Variants in CADM2 observed in about 807,000 individuals in gnomAD.
CADM2 encodes immunoglobulin superfamily member 4D.
Under a neutral mutation model 49.8 loss-of-function variants are expected in CADM2, and 12 were observed. The observed-to-expected ratio is 0.24, with a 90% CI of 0.15 to 0.39. The LOEUF is 0.39. Among genes scored for constraint, CADM2 ranks in the 10% least tolerant of loss-of-function variants. CADM2 has a pLI of 1.00. For synonymous variants in CADM2, 214 were observed against 175.4 expected (o/e 1.22, Z -1.74); for missense variants, 378 against 492.3 (o/e 0.77, Z 2.20).
At chr3:85,570,782 A>T (rs1163726260) in intron 1 of CADM2, among the ~76,000 whole-genome samples, 9 of 152,214 alleles carry the variant, frequency 5.9e-5, no homozygotes, top group Admixed American at 5.9e-4. Flanking sequence ...AATCAATAAA[A>T]CTTGTTTTGG....
chr3:85,536,685 GT>G (rs2061429542), intron 1 of CADM2, among the ~76,000 whole-genome samples: 1 of 152,030 alleles, frequency 6.6e-6, no homozygotes, highest in South Asian at 2.1e-4. Context: ...CTAGGAGTGT[GT>G]AAGCAGACAT....
intron 3 of CADM2, among the ~76,000 whole-genome samples, chr3:85,880,074 T>G (rs1712513204): frequency 6.6e-6 from 1 of 152,214 alleles, no homozygotes; most frequent in Non-Finnish European, 1.5e-5. Flanking sequence ...TTTTGTTATC[T>G]CAAAACATCA....
rs531809289 is a variant in CADM2, at chr3:85,351,304, T to A, written c.62-375218T>A. ...ATCGCTTACCATAGTGGTGGAAATA[T>A]TTCATATTTTAGAATTAAATTATAC... is the stretch of plus-strand genomic sequence containing the variant. On this transcript the variant is annotated intron_variant, in intron 1 of 9. Transcript: ENST00000383699. Among the ~76,000 whole-genome samples the A allele has an allele frequency of 3.2e-4, 48 of 152,240 alleles. 1 individual carries two copies. The South Asian group carries it at 9.5e-3, about 30-fold the overall frequency.
intron 1 of CADM2, among the ~76,000 whole-genome samples, chr3:85,642,009 C>T (rs1459044621): frequency 6.6e-6 from 1 of 152,060 alleles, no homozygotes; most frequent in Admixed American, 6.6e-5. Context: ...CTTTCCATCT[C>T]CTTGACCTTC....
intron 3 of CADM2, among the ~76,000 whole-genome samples, chr3:85,809,035 G>T (rs1177184221): frequency 6.6e-6 from 1 of 152,090 alleles, no homozygotes; most frequent in Non-Finnish European, 1.5e-5. Flanking sequence ...AGTAAAACAG[G>T]TGTTGCATTT....
At chr3:85,362,075 C>A (rs2032399817) in intron 1 of CADM2, among the ~76,000 whole-genome samples, 2 of 152,282 alleles carry the variant, frequency 1.3e-5, no homozygotes, top group Non-Finnish European at 2.9e-5. Flanking sequence ...TTTTCTAAAG[C>A]AATTAAGCCC....
chr3:85,301,239 A>T (rs757324002), intron 1 of CADM2, among the ~76,000 whole-genome samples: 1 of 151,998 alleles, frequency 6.6e-6, no homozygotes, highest in Non-Finnish European at 1.5e-5. Context: ...ATTCTTGCCA[A>T]TTGAGAGGAG....
chr3:85,462,990 C>T (rs553425056), intron 1 of CADM2, among the ~76,000 whole-genome samples: 1 of 152,208 alleles, frequency 6.6e-6, no homozygotes, highest in African/African-American at 2.4e-5. Flanking sequence ...CCTTCGTTTC[C>T]TCATCTGTGA....
At chr3:85,359,675 T>TTTTG (rs2032207064) in intron 1 of CADM2, among the ~76,000 whole-genome samples, 1 of 128,194 alleles carries the variant, frequency 7.8e-6, no homozygotes, top group Non-Finnish European at 1.7e-5. Flanking sequence ...TATTTTTTTT[T>TTTTG]TTGGTGGAGG....
At chr3:85,285,293 T>C (rs1480008569) in intron 1 of CADM2, among the ~76,000 whole-genome samples, 2 of 152,110 alleles carry the variant, frequency 1.3e-5, no homozygotes, top group African/African-American at 4.8e-5. Flanking sequence ...ACATATATGG[T>C]ATGAAATTCA....
chr3:85,382,070 T>C (rs1310969320), intron 1 of CADM2, among the ~76,000 whole-genome samples: 1 of 151,998 alleles, frequency 6.6e-6, no homozygotes, highest in Non-Finnish European at 1.5e-5. Flanking sequence ...AACACTGCAG[T>C]GTGACTATCA....
intron 1 of CADM2, among the ~76,000 whole-genome samples, chr3:84,970,257 T>C (rs1458417823): frequency 7.5e-6 from 1 of 133,628 alleles, no homozygotes; most frequent in African/African-American, 3.0e-5. Context: ...GACACATATA[T>C]GCTGTGATTG....
chr3:85,888,460 C>A (rs966993623), intron 5 of CADM2, among the ~76,000 whole-genome samples: 4 of 152,100 alleles, frequency 2.6e-5, no homozygotes, highest in African/African-American at 9.7e-5. Flanking sequence ...ATCAGAACAA[C>A]AATGAAGACA....
intron 1 of CADM2, among the ~76,000 whole-genome samples, chr3:85,288,922 A>G (rs1215326429): frequency 6.6e-6 from 1 of 152,044 alleles, no homozygotes; most frequent in Non-Finnish European, 1.5e-5. Context: ...TTCCTGATAT[A>G]TGAACAGTTC....
intron 1 of CADM2, among the ~76,000 whole-genome samples, chr3:85,383,204 A>T (rs147001113): frequency 6.6e-6 from 1 of 152,134 alleles, no homozygotes; most frequent in African/African-American, 2.4e-5. Flanking sequence ...GTTTGCTCTG[A>T]CCATGAGGCA....
chr3:85,382,043 A>G (rs941630590), intron 1 of CADM2, among the ~76,000 whole-genome samples: 8 of 152,132 alleles, frequency 5.3e-5, no homozygotes, highest in African/African-American at 1.9e-4. Context: ...CAGTTATGAA[A>G]AAAGAATCAA....
chr3:85,341,712 A>C (rs1449057699), intron 1 of CADM2, among the ~76,000 whole-genome samples: 1 of 152,024 alleles, frequency 6.6e-6, no homozygotes, highest in Admixed American at 6.6e-5. Context: ...AAAACACACA[A>C]AAAAAGAGAG....
intron 1 of CADM2, among the ~76,000 whole-genome samples, chr3:85,555,000 G>A (rs545233410): frequency 6.6e-6 from 1 of 151,814 alleles, no homozygotes; most frequent in African/African-American, 2.4e-5. Flanking sequence ...ACAGGTGTGA[G>A]CCACTGCACT....
At chr3:85,476,885 G>A (rs1297615775) in intron 1 of CADM2, among the ~76,000 whole-genome samples, 1 of 137,828 alleles carries the variant, frequency 7.3e-6, no homozygotes, top group South Asian at 2.4e-4. Context: ...ATAGTTAATA[G>A]CAAAGATTTT....
Sources: allele counts gnomAD v4.1 joint callset (sites outside exome capture counted in the v4.1 genomes callset), GRCh38; gene constraint gnomAD v4.1.1; transcripts MANE v1.5; gene names NCBI Gene and HGNC (gene_info 2026-07-23, HGNC 2026-07-21).